Variants in PRKCH observed in about 807,000 individuals in gnomAD.
PRKCH encodes protein kinase C eta type.
Under a neutral mutation model 82.5 loss-of-function variants are expected in PRKCH, and 28 were observed. That is an observed-to-expected ratio of 0.34 (90% CI 0.25 to 0.47). The LOEUF (loss-of-function observed/expected upper bound fraction) is 0.47, where lower values mean the gene tolerates loss of function less well. Among genes scored for constraint, PRKCH ranks in the 20% least tolerant of loss-of-function variants. The pLI, the probability that PRKCH is intolerant of heterozygous loss-of-function variation, is 1.00. For missense variants in PRKCH, 705 were observed against 881.8 expected (o/e 0.80, Z 2.54); for synonymous variants, 322 against 327.4 (o/e 0.98, Z 0.18).
intron 11 of PRKCH, 76 bp from the exon 12 acceptor site, chr14:61,530,331 A>C: frequency 7.3e-7 from 1 of 1,379,226 alleles, no homozygotes; most frequent in Non-Finnish European, 9.6e-7. Context: ...CTAATGCATC[A>C]ATTTCCCTAG....
chr14:61,413,364 C>T (rs1882369267), intron 2 of PRKCH, among the ~76,000 whole-genome samples: 1 of 149,526 alleles, frequency 6.7e-6, no homozygotes, highest in Non-Finnish European at 1.5e-5. Flanking sequence ...TTCTCCCATT[C>T]CCTTCAGTGA....
intron 12 of PRKCH, among the ~76,000 whole-genome samples, chr14:61,536,783 G>A (rs972621295): frequency 2.6e-5 from 4 of 152,076 alleles, no homozygotes; most frequent in African/African-American, 9.7e-5. Context: ...GGCAAGGCAG[G>A]CTCCAGCATC....
At chr14:61,303,298 G>C (rs2045461768) in intron 1 of PRKCH, 1 of 152,096 alleles carries the variant, frequency 6.6e-6, no homozygotes, top group East Asian at 1.9e-4. Flanking sequence ...AAAGTTCTGG[G>C]ATTATAGGCA....
intron 2 of PRKCH, among the ~76,000 whole-genome samples, chr14:61,416,058 T>TTTTC (rs1882539610): frequency 1.6e-5 from 2 of 122,964 alleles, no homozygotes; most frequent in African/African-American, 7.3e-5. Flanking sequence ...CTTTTCTTTT[T>TTTTC]TTTTTTTTTT....
At chr14:61,249,111 C>T (rs2044916208) in intron 1 of PRKCH, among the ~76,000 whole-genome samples, 1 of 152,060 alleles carries the variant, frequency 6.6e-6, no homozygotes, top group Admixed American at 6.6e-5. Flanking sequence ...CTCGATGGTT[C>T]AATTTATATG....
intron 1 of PRKCH, among the ~76,000 whole-genome samples, chr14:61,347,438 A>G (rs1461958204): frequency 2.0e-5 from 3 of 152,160 alleles, no homozygotes; most frequent in African/African-American, 7.2e-5. Context: ...ATTGGTACCC[A>G]TACCCAGGTG....
intron 1 of PRKCH, among the ~76,000 whole-genome samples, chr14:61,233,722 C>T (rs540156854): frequency 6.6e-6 from 1 of 152,242 alleles, no homozygotes; most frequent in Admixed American, 6.5e-5. Context: ...AGGGGCTTTT[C>T]CCCTTGAGCT....
chr14:61,333,803 C>G (rs2045819375), intron 1 of PRKCH, among the ~76,000 whole-genome samples: 1 of 152,096 alleles, frequency 6.6e-6, no homozygotes, highest in African/African-American at 2.4e-5. Context: ...TCATCTTTTT[C>G]ATACGCTTTT....
intron 2 of PRKCH, among the ~76,000 whole-genome samples, chr14:61,426,363 T>TTAC (rs72533349): frequency 2.0e-5 from 3 of 151,066 alleles, no homozygotes; most frequent in Admixed American, 1.3e-4. Flanking sequence ...AATGTCAGAA[T>TTAC]TTTCTTAGTT....
intron 2 of PRKCH, among the ~76,000 whole-genome samples, chr14:61,405,017 T>C (rs1881862122): frequency 6.6e-6 from 1 of 152,240 alleles, no homozygotes; most frequent in Admixed American, 6.5e-5. Flanking sequence ...TTTGGCTCAC[T>C]GAGCACGTCT....
At chr14:61,228,773 G>A (rs986385664) in intron 1 of PRKCH, among the ~76,000 whole-genome samples, 4 of 151,984 alleles carry the variant, frequency 2.6e-5, no homozygotes, top group Non-Finnish European at 5.9e-5. Flanking sequence ...AGGTACCGTG[G>A]CTCATGCCGC....
chr14:61,377,925 G>T (rs2046446490), intron 1 of PRKCH, among the ~76,000 whole-genome samples: 1 of 152,114 alleles, frequency 6.6e-6, no homozygotes, highest in Non-Finnish European at 1.5e-5. Flanking sequence ...AACCTCTAGT[G>T]GCTCCCCTTG....
chr14:61,549,698 A>G lies in PRKCH; in HGVS notation c.1919A>G (p.Asp640Gly), dbSNP rs745943503. 1.2e-6 allele frequency: 2 copies of G among 1,611,574 alleles called. No individual in the cohort carries two copies. Among genetic ancestry groups the G allele is most frequent in the Admixed American group, 1.7e-5 (1 of 59,598 alleles). Residue 640 changes from aspartate to glycine, a missense_variant, in exon 14 of 14, where the codon GAT becomes GGT. By Grantham distance (94) the Asp-to-Gly change is moderately conservative (BLOSUM62 -1). This residue lies in a region of PRKCH where 91 missense variants were observed against 81.2 expected (regional missense o/e 1.12). Transcript: ENST00000332981. The part of the protein sequence containing the change: ...PFRPRIKSRE[D>G]VSNFDPDFIK... ...TTTTTTTGGCAGAAATCCCGAGAAGATGTCAGTAATTTTGACCCTGACTTC... is the reference window on the plus strand; with the variant it reads ...TTTTTTTGGCAGAAATCCCGAGAAGGTGTCAGTAATTTTGACCCTGACTTC...
At chr14:61,391,660 A>G (rs928477777) in intron 2 of PRKCH, among the ~76,000 whole-genome samples, 2 of 152,064 alleles carry the variant, frequency 1.3e-5, no homozygotes, top group Admixed American at 1.3e-4. Context: ...AAATTTAGGG[A>G]TCCAGTTATC....
At chr14:61,484,262 T>C (rs2140328310) in intron 9 of PRKCH, among the ~76,000 whole-genome samples, 1 of 148,500 alleles carries the variant, frequency 6.7e-6, no homozygotes, top group South Asian at 2.1e-4. Flanking sequence ...TCACAGGATT[T>C]ACCAGAATTT....
intron 9 of PRKCH, chr14:61,477,273 C>G (rs2140319230): frequency 6.6e-6 from 1 of 152,334 alleles, no homozygotes; most frequent in South Asian, 2.1e-4. Context: ...TGGCTCCCAG[C>G]TTAACATTGC....
intron 1 of PRKCH, among the ~76,000 whole-genome samples, chr14:61,315,402 T>A (rs1389054546): frequency 6.6e-6 from 1 of 152,318 alleles, no homozygotes; most frequent in African/African-American, 2.4e-5. Flanking sequence ...CAACTCTCGG[T>A]TTCCTTATTT....
intron 1 of PRKCH, among the ~76,000 whole-genome samples, chr14:61,390,393 C>CGACACA (rs1490967404): frequency 1.3e-5 from 2 of 152,084 alleles, no homozygotes; most frequent in African/African-American, 4.8e-5. Context: ...AGTAGCAGTC[C>CGACACA]GACACAGTGT....
rs566732970 is a variant in PRKCH at position 61,197,076 on chromosome 14, A to T, written c.-19+9408A>T. Among the ~76,000 whole-genome samples the T allele has an allele frequency of 9.2e-5, 14 of 152,166 alleles. No individual in the cohort carries two copies. The East Asian group carries it at 2.5e-3, about 27-fold the overall frequency. On this transcript the variant is annotated intron_variant, in intron 1 of 3. Coordinates refer to the PRKCH transcript ENST00000555185. Reference sequence around the variant, plus strand: ...CCGTCTCACTTCTGACTTTCATGATAAATGTTTTCTTTTCTGTTCTCCTTT... The same window carrying T: ...CCGTCTCACTTCTGACTTTCATGATTAATGTTTTCTTTTCTGTTCTCCTTT...
Sources: allele counts gnomAD v4.1 joint callset (sites outside exome capture counted in the v4.1 genomes callset), GRCh38; gene constraint gnomAD v4.1.1; regional missense constraint gnomAD v4.1.1; transcripts MANE v1.5; gene names NCBI Gene and HGNC (gene_info 2026-07-23, HGNC 2026-07-21).